The following MMRN1 variants were observed in gnomAD, a reference collection of about 807,000 sequenced individuals.
MMRN1 encodes multimerin-1.
MMRN1 carries 94 observed loss-of-function variants against 100.7 expected under a neutral mutation model. The ratio of observed to expected loss-of-function variants is 0.93; its 90% CI spans 0.79 to 1.11. The LOEUF is 1.11. MMRN1 is among the 50% of genes least tolerant of loss of function. The pLI, the probability that MMRN1 is intolerant of heterozygous loss-of-function variation, is 0.00. For synonymous variants in MMRN1, 575 were observed against 505.0 expected, an observed-to-expected ratio of 1.14 and a Z score of -1.86; for missense variants, 1,606 against 1,439.1, an observed-to-expected ratio of 1.12 and a Z score of -1.88.
At position 89,936,034 on chromosome 4, in the gene MMRN1, C is replaced by G; in HGVS notation, c.2354C>G (p.Ser785Cys). Residue 785 changes from serine to cysteine, a missense_variant, in exon 6 of 8, where the codon TCT becomes TGT. Transcript: ENST00000264790. ...FIPQFHRLND[S>C]IQTLVNDNQR... ...CCTCAGTTCCACCGTCTGAATGATT[C>G]TATTCAGACTTTGGTCAATGACAAT... 1 of 1,612,454 alleles carries G rather than the reference C, an allele frequency of 6.2e-7. No individual in the cohort carries two copies. Among genetic ancestry groups the G allele is most frequent in the Non-Finnish European group, 8.5e-7 (1 of 1,179,378 alleles).
intron 1 of MMRN1, among the ~76,000 whole-genome samples, chr4:89,895,884 C>T (rs1216627588): frequency 6.6e-6 from 1 of 152,118 alleles, no homozygotes; most frequent in Non-Finnish European, 1.5e-5. Context: ...ACTAGCACCA[C>T]GGTGGCTGTT....
At chr4:89,907,472 G>C (rs562591930) in intron 1 of MMRN1, among the ~76,000 whole-genome samples, 1 of 151,374 alleles carries the variant, frequency 6.6e-6, no homozygotes, top group African/African-American at 2.4e-5. Flanking sequence ...GTTTTACTTT[G>C]TGTTTATCCT....
chr4:89,920,823 TG>T (rs1303883253), intron 3 of MMRN1, among the ~76,000 whole-genome samples: 1 of 151,982 alleles, frequency 6.6e-6, no homozygotes, highest in Non-Finnish European at 1.5e-5. Context: ...TTTGTTTGTT[TG>T]TTTTTTTTAA....
intron 2 of MMRN1, among the ~76,000 whole-genome samples, chr4:89,911,352 T>C (rs1458816735): frequency 6.6e-6 from 1 of 151,374 alleles, no homozygotes; most frequent in African/African-American, 2.4e-5. Context: ...TTTCCTCATA[T>C]TACATCCCTT....
chr4:89,880,668 T>C (rs1022404231), intron 1 of MMRN1, among the ~76,000 whole-genome samples: 14 of 152,122 alleles, frequency 9.2e-5, no homozygotes, highest in African/African-American at 3.4e-4. Flanking sequence ...AATTGATAAA[T>C]TATAGCTTTG....
intron 1 of MMRN1, among the ~76,000 whole-genome samples, chr4:89,881,217 G>A (rs1720807963): frequency 6.6e-6 from 1 of 152,052 alleles, no homozygotes; most frequent in African/African-American, 2.4e-5. Flanking sequence ...TTTTATTGGG[G>A]CATATGCTAG....
At chr4:89,921,273 T>A (rs1375164778) in intron 3 of MMRN1, among the ~76,000 whole-genome samples, 3 of 152,104 alleles carry the variant, frequency 2.0e-5, no homozygotes, top group Non-Finnish European at 4.4e-5. Context: ...TAAGTTAGTA[T>A]CCTTAACATT....
Position 89,936,485 on chromosome 4 carries a change from T to C in MMRN1, c.2805T>C (p.Ser935=), listed in dbSNP as rs1722644101. 5 of 1,613,138 alleles carry C rather than the reference T, an allele frequency of 3.1e-6. No individual in the cohort carries two copies. The highest frequency in any genetic ancestry group is 1.1e-5 in the South Asian group (1 of 91,002). ...TTTTAACAATGTGTCACAATGCTTCTACAAGTGTGTCAGAACTGAATGCTA... is the reference window on the plus strand; with the variant it reads ...TTTTAACAATGTGTCACAATGCTTCCACAAGTGTGTCAGAACTGAATGCTA... The part of the protein sequence containing the change: ...HEVLTMCHNA[S]TSVSELNATI... The change falls in exon 6 of 8, where the codon TCT becomes TCC. Residue 935 remains serine (S), a synonymous_variant. Coordinates refer to ENST00000264790, the MANE Select transcript of MMRN1 (RefSeq NM_007351.3).
intron 1 of MMRN1, among the ~76,000 whole-genome samples, chr4:89,903,234 A>T (rs571657671): frequency 6.6e-6 from 1 of 151,968 alleles, no homozygotes; most frequent in South Asian, 2.1e-4. Context: ...TAATAATTTG[A>T]TTAAAAACTT....
intron 3 of MMRN1, among the ~76,000 whole-genome samples, chr4:89,916,781 T>C (rs928976418): frequency 1.3e-4 from 19 of 151,772 alleles, no homozygotes; most frequent in African/African-American, 4.6e-4. Flanking sequence ...TTTCAATCTA[T>C]TGATTATCTC....
chr4:89,936,296 G>C lies in MMRN1; in HGVS notation c.2616G>C (p.Thr872=), dbSNP rs761206619. 7 of 1,612,352 alleles carry C rather than the reference G, an allele frequency of 4.3e-6. No individual in the cohort carries two copies. In the South Asian group the frequency reaches 7.7e-5, roughly 18 times the overall value. The change falls in exon 6 of 8, where the codon ACG becomes ACC. Residue 872 remains threonine, a synonymous_variant. Coordinates refer to ENST00000264790, the MANE Select transcript of MMRN1 (RefSeq NM_007351.3). ...ACATTGAGTCTAAAGTTACCCAGACGCTCATACCTTATTATATTTCAGTTA... is the reference window on the plus strand; with the variant it reads ...ACATTGAGTCTAAAGTTACCCAGACCCTCATACCTTATTATATTTCAGTTA... ...LQDIESKVTQ[T]LIPYYISVKK... is the part of the protein sequence containing the mutation.
intron 1 of MMRN1, among the ~76,000 whole-genome samples, chr4:89,898,678 T>G (rs11941223): frequency 0.024 from 3,598 of 152,058 alleles, 135 homozygotes; most frequent in African/African-American, 0.082. Context: ...ATGTGCTGTT[T>G]GTTAAACCCA....
Position 89,925,409 on chromosome 4 carries a change from A to G in MMRN1, c.955+2137A>G, listed in dbSNP as rs1722218491. ...GCAATCCACCTGCCTCAGCCTCCCA[A>G]AGTGCTGGGACTACAGCCGTGAGCC... On this transcript the variant is annotated intron_variant, in intron 4 of 7. Coordinates refer to ENST00000264790, the MANE Select transcript of MMRN1 (RefSeq NM_007351.3). 3.4e-5 allele frequency among the ~76,000 whole-genome samples: 5 copies of G among 146,338 alleles called. No individual in the cohort carries two copies. In the South Asian group the frequency reaches 1.1e-3, roughly 31 times the overall value.
At chr4:89,924,159 A>G (rs950887688) in intron 4 of MMRN1, among the ~76,000 whole-genome samples, 2 of 152,216 alleles carry the variant, frequency 1.3e-5, no homozygotes, top group African/African-American at 2.4e-5. Context: ...CTACAACTAC[A>G]TACATATATC....
intron 5 of MMRN1, among the ~76,000 whole-genome samples, chr4:89,929,021 T>A (rs1387508399): frequency 6.6e-6 from 1 of 152,024 alleles, no homozygotes; most frequent in Non-Finnish European, 1.5e-5. Context: ...ACAAATCCAA[T>A]CTAAGGGGAC....
At chr4:89,901,153 T>TGA (rs1279399516) in intron 1 of MMRN1, among the ~76,000 whole-genome samples, 11 of 115,962 alleles carry the variant, frequency 9.5e-5, no homozygotes, top group African/African-American at 3.5e-4. Context: ...AGGGCTTTTA[T>TGA]GAAAAAAAAA....
rs185952075 is a variant in MMRN1, at chr4:89,936,431, C to A, written c.2751C>A (p.Phe917Leu). The change falls in exon 6 of 8, where the codon TTC (phenylalanine) becomes TTA (leucine). Residue 917 changes from phenylalanine to leucine, a missense_variant. Physicochemically the swap from Phe to Leu is conservative, Grantham distance 22. Coordinates refer to ENST00000264790, the MANE Select transcript of MMRN1 (RefSeq NM_007351.3). The stretch of plus-strand genomic sequence containing the variant: ...AATCTATCCATCTTTCAATTAACTT[C>A]TTTTCGCTTAACAAAACTCTCCACG... ...EAKSIHLSIN[F>L]FSLNKTLHEV... is the part of the protein sequence containing the mutation. 10 of 1,610,182 alleles carry A rather than the reference C, an allele frequency of 6.2e-6. 1 individual carries two copies. In the Admixed American group the frequency reaches 8.4e-5, roughly 14 times the overall value.
At chr4:89,916,763 G>T (rs1335783461) in intron 3 of MMRN1, among the ~76,000 whole-genome samples, 2 of 150,254 alleles carry the variant, frequency 1.3e-5, no homozygotes, top group African/African-American at 4.9e-5. Context: ...TACGTTTTTG[G>T]TTACTATTTT....
Position 89,953,207 on chromosome 4 carries a change from C to A in MMRN1, c.3476C>A (p.Ser1159Tyr), listed in dbSNP as rs780589218. 2 of 1,613,608 alleles carry A rather than the reference C, an allele frequency of 1.2e-6. No individual in the cohort carries two copies. The highest frequency in any genetic ancestry group is 2.7e-5 in the African/African-American group (2 of 74,880). ...ATCGAGTCATTTAGTGCTCATATTTCTGGATTTTTAGTGGTTGATGGAATA... is the reference window on the plus strand; with the variant it reads ...ATCGAGTCATTTAGTGCTCATATTTATGGATTTTTAGTGGTTGATGGAATA... ...YTIESFSAHI[S>Y]GFLVVDGIDK... Residue 1159 changes from serine (S) to tyrosine (Y), a missense_variant, in exon 8 of 8, where the codon TCT (serine) becomes TAT (tyrosine). Transcript: ENST00000264790.
Sources: allele counts gnomAD v4.1 joint callset (sites outside exome capture counted in the v4.1 genomes callset), GRCh38; gene constraint gnomAD v4.1.1; transcripts MANE v1.5; gene names NCBI Gene and HGNC (gene_info 2026-07-23, HGNC 2026-07-21).